TRDMT1: variants seen among roughly 807,000 people sequenced by gnomAD.
The protein encoded by TRDMT1 is tRNA (cytosine(38)-C(5))-methyltransferase.
Under a neutral mutation model 51.2 loss-of-function variants are expected in TRDMT1, and 49 were observed. That is an observed-to-expected ratio of 0.96 (90% CI 0.76 to 1.21). The LOEUF (loss-of-function observed/expected upper bound fraction) is 1.21. Ranked by LOEUF, TRDMT1 falls within the 50% of genes most tolerant of loss-of-function variation. The pLI is 0.00. For missense variants in TRDMT1, 534 were observed against 462.3 expected, an observed-to-expected ratio of 1.16 and a Z score of -1.42; for synonymous variants, 187 against 164.6, an observed-to-expected ratio of 1.14 and a Z score of -1.04.
In TRDMT1 at chr10:17,148,941, TAGTTAAATTTCACCAGAATTAGTTC is replaced by T; in HGVS notation, c.*74_*98del. The T allele has an allele frequency of 7.2e-7, 1 of 1,390,200 alleles. No individual in the cohort carries two copies. Among genetic ancestry groups the T allele is most frequent in the Non-Finnish European group, 9.4e-7 (1 of 1,064,326 alleles). The allele number at this position is 1,390,200 out of a possible 1,614,324, so 86.1% of individuals were successfully genotyped here. ...TTAATAAGGACAGATTAAAATAATT[TAGTTAAATTTCACCAGAATTAGTTC>T]AAAACAGAATTTCAGAATTACTCTC... On this transcript the variant is annotated 3_prime_UTR_variant, in exon 11 of 11. Transcript: ENST00000377799.
At chr10:17,194,836 G>A (rs1179040326) in intron 1 of TRDMT1, among the ~76,000 whole-genome samples, 2 of 151,228 alleles carry the variant, frequency 1.3e-5, no homozygotes, top group African/African-American at 2.4e-5. Context: ...GGGAGGCTCA[G>A]GCAGGAGAAT....
rs1371091682 is a variant in TRDMT1, at chr10:17,148,742, T to G, written c.*298A>C. Reference sequence around the variant, plus strand: ...ACTCATGTAGACACTAAAGCTCTAGTGCTCCTTGATTTGTTTATAAAATTG... The same window carrying G: ...ACTCATGTAGACACTAAAGCTCTAGGGCTCCTTGATTTGTTTATAAAATTG... On this transcript the variant is annotated 3_prime_UTR_variant, in exon 11 of 11. Coordinates refer to ENST00000377799, the MANE Select transcript of TRDMT1 (RefSeq NM_004412.7). 1 of 1,022,104 alleles carries G rather than the reference T, an allele frequency of 9.8e-7. No homozygotes were observed. Among genetic ancestry groups the G allele is most frequent in the African/African-American group, 1.7e-5 (1 of 58,220 alleles). The allele number at this position is 1,022,104 out of a possible 1,614,324, so 63.3% of individuals were successfully genotyped here.
chr10:17,197,400 T>C (rs1303774415), intron 1 of TRDMT1, among the ~76,000 whole-genome samples: 1 of 152,168 alleles, frequency 6.6e-6, no homozygotes, highest in African/African-American at 2.4e-5. Context: ...AAATGAAATT[T>C]AGAAAATACA....
At position 17,146,844 on chromosome 10, in the gene TRDMT1, T is replaced by C. The variant is rs888650062; in HGVS notation, c.*2196A>G. The C allele has an allele frequency of 1.2e-5, 12 of 985,252 alleles. No homozygotes were observed. The African/African-American group carries it at 1.9e-4, about 16-fold the overall frequency. The allele number at this position is 985,252 out of a possible 1,614,324, so 61.0% of individuals were successfully genotyped here. On this transcript the variant is annotated 3_prime_UTR_variant, in exon 11 of 11. Transcript: ENST00000377799. ...ATTTTCCAAATTAATTATGCATACATATACATCTGCTAATTGAATGACACT... is the reference window on the plus strand; with the variant it reads ...ATTTTCCAAATTAATTATGCATACACATACATCTGCTAATTGAATGACACT...
chr10:17,180,081 T>C (rs1843091827), intron 1 of TRDMT1, among the ~76,000 whole-genome samples: 1 of 152,170 alleles, frequency 6.6e-6, no homozygotes, highest in Admixed American at 6.5e-5. Context: ...TTGACAAAGA[T>C]CTTGGCCTTT....
intron 1 of TRDMT1, among the ~76,000 whole-genome samples, chr10:17,177,437 A>G (rs765649558): frequency 2.1e-3 from 320 of 152,070 alleles, no homozygotes; most frequent in Middle Eastern, 3.4e-3. Flanking sequence ...CCTAACCTCA[A>G]GTGATCTGCC....
chr10:17,160,954 A>T (rs905515798), intron 5 of TRDMT1, among the ~76,000 whole-genome samples: 6 of 151,398 alleles, frequency 4.0e-5, no homozygotes, highest in Admixed American at 2.6e-4. Context: ...AGAATTGCTA[A>T]TCTAGTGATG....
chr10:17,182,451 C>G (rs920519463), intron 1 of TRDMT1, among the ~76,000 whole-genome samples: 1 of 152,180 alleles, frequency 6.6e-6, no homozygotes, highest in Admixed American at 6.5e-5. Context: ...AACTAATATG[C>G]CATTTGTTCC....
chr10:17,180,554 A>AC (rs1464048896), intron 1 of TRDMT1, among the ~76,000 whole-genome samples: 2 of 138,772 alleles, frequency 1.4e-5, no homozygotes, highest in East Asian at 4.2e-4. Flanking sequence ...AAAAAAAAAA[A>AC]AAACTCTCTT....
At chr10:17,199,722 G>C (rs1845905786) in intron 1 of TRDMT1, among the ~76,000 whole-genome samples, 1 of 152,196 alleles carries the variant, frequency 6.6e-6, no homozygotes, top group African/African-American at 2.4e-5. Context: ...AAATGATCAT[G>C]CTGCCTGCTA....
rs1388513768 is a variant in TRDMT1, at chr10:17,145,238, C to T, written c.*3802G>A. 9.2e-6 allele frequency: 2 copies of T among 216,528 alleles called. No individual in the cohort carries two copies. The highest frequency in any genetic ancestry group is 1.3e-5 in the Non-Finnish European group (2 of 148,780). The allele number at this position is 216,528 out of a possible 1,614,324, so 13.4% of individuals were successfully genotyped here. On this transcript the variant is annotated 3_prime_UTR_variant, in exon 11 of 11. Coordinates refer to ENST00000377799, the MANE Select transcript of TRDMT1 (RefSeq NM_004412.7). The stretch of plus-strand genomic sequence containing the variant: ...CTCCAGCCTAGGCAACAGAGCGAGA[C>T]TCAGTCTCAAAAACAAAACAAAACA...
rs911844786 is a variant in TRDMT1 at position 17,161,464 on chromosome 10, G to C, written c.389+19C>G. 47 of 1,364,886 alleles carry C rather than the reference G, an allele frequency of 3.4e-5. No individual in the cohort carries two copies. The highest frequency in any genetic ancestry group is 4.4e-5 in the Non-Finnish European group (45 of 1,018,674). The allele number at this position is 1,364,886 out of a possible 1,614,324, so 84.5% of individuals were successfully genotyped here. On this transcript the variant is annotated intron_variant, in intron 5 of 10. Coordinates refer to ENST00000377799, the MANE Select transcript of TRDMT1 (RefSeq NM_004412.7). Reference sequence around the variant, plus strand: ...TATACCAAGTCTAAGATGTATGCAAGACAAATACATTTTTTTACCTTGTAG... The same window carrying C: ...TATACCAAGTCTAAGATGTATGCAACACAAATACATTTTTTTACCTTGTAG...
intron 2 of TRDMT1, among the ~76,000 whole-genome samples, chr10:17,170,291 T>A (rs1481546656): frequency 6.6e-6 from 1 of 152,182 alleles, no homozygotes; most frequent in Non-Finnish European, 1.5e-5. Context: ...TTATTTAACC[T>A]GGTATTCTAG....
rs993120515 is a variant in TRDMT1 at position 17,141,051 on chromosome 10, T to A, written c.*7989A>T. Among the ~76,000 whole-genome samples, 1 of 152,264 alleles carries A rather than the reference T, an allele frequency of 6.6e-6. No individual in the cohort carries two copies. Among genetic ancestry groups the A allele is most frequent in the Non-Finnish European group, 1.5e-5 (1 of 68,044 alleles). ...GTTTGGCTAGATATAGAATTCATAG[T>A]TGACAATGCCACCTCCTTCTGGTCC... On this transcript the variant is annotated 3_prime_UTR_variant, in exon 11 of 11. Transcript: ENST00000377799.
chr10:17,168,111 G>A (rs746599646), intron 3 of TRDMT1, among the ~76,000 whole-genome samples: 20 of 152,106 alleles, frequency 1.3e-4, no homozygotes, highest in African/African-American at 3.9e-4. Flanking sequence ...TAGGCCAGCC[G>A]TGGCAACATA....
At chr10:17,176,651 T>TTACTGACA (rs1842658792) in intron 1 of TRDMT1, among the ~76,000 whole-genome samples, 1 of 152,204 alleles carries the variant, frequency 6.6e-6, no homozygotes, top group Non-Finnish European at 1.5e-5. Context: ...TACTAAGATA[T>TTACTGACA]TACTGACACT....
At position 17,174,637 on chromosome 10, in the gene TRDMT1, C is replaced by T. The variant is rs1231348086; in HGVS notation, c.88G>A (p.Val30Met). The T allele has an allele frequency of 9.3e-6, 15 of 1,613,710 alleles. No individual in the cohort carries two copies. Among genetic ancestry groups the T allele is most frequent in the Non-Finnish European group, 1.3e-5 (15 of 1,179,856 alleles). ...LRESCIPAQV[V>M]AAIDVNTVAN... ...ACAGTGTTGACATCAATGGCAGCCACCACTTGTGCAGGTATACAGCTTTCT... is the reference window on the plus strand; with the variant it reads ...ACAGTGTTGACATCAATGGCAGCCATCACTTGTGCAGGTATACAGCTTTCT... Residue 30 changes from valine to methionine, a missense_variant, in exon 2 of 11, where the codon GTG becomes ATG. Val to Met is a conservative substitution (Grantham distance 21). Transcript: ENST00000377799.
intron 1 of TRDMT1, 85 bp from the exon 2 acceptor site, chr10:17,174,745 C>T (rs1842433258): frequency 3.8e-6 from 4 of 1,047,838 alleles, no homozygotes; most frequent in Admixed American, 4.0e-5. Context: ...TTTAGTAATC[C>T]ATTTCCTTAT....
chr10:17,200,869 C>A (rs1391317029), intron 1 of TRDMT1, among the ~76,000 whole-genome samples: 2 of 152,110 alleles, frequency 1.3e-5, no homozygotes, highest in African/African-American at 4.8e-5. Flanking sequence ...GTATCAGGCA[C>A]TAACAAGCAC....
Sources: allele counts gnomAD v4.1 joint callset (sites outside exome capture counted in the v4.1 genomes callset), GRCh38; gene constraint gnomAD v4.1.1; transcripts MANE v1.5; gene names NCBI Gene and HGNC (gene_info 2026-07-23, HGNC 2026-07-21).